The following FRMPD4 variants were observed in gnomAD, a reference collection of about 807,000 sequenced individuals.
FRMPD4 encodes FERM and PDZ domain containing 4.
FRMPD4 carries 22 observed loss-of-function variants against 94.1 expected under a neutral mutation model. That is an observed-to-expected ratio of 0.23 (90% confidence interval 0.17 to 0.33). FRMPD4 has a LOEUF of 0.33. FRMPD4 is among the 10% of genes least tolerant of loss of function. The probability of loss-of-function intolerance (pLI) is 1.00; values close to 1 mark genes in which losing one functional copy is unlikely to be tolerated. For synonymous variants in FRMPD4, 631 were observed against 548.6 expected, an observed-to-expected ratio of 1.15 and a Z score of -2.10; for missense variants, 1,111 against 1,339.9, an observed-to-expected ratio of 0.83 and a Z score of 2.67.
At chrX:12,501,403 A>G (rs2057918282) in intron 2 of FRMPD4, among the ~76,000 whole-genome samples, 1 of 108,769 alleles carries the variant, frequency 9.2e-6, no homozygotes, top group Non-Finnish European at 1.9e-5. Context: ...ATCACTAATG[A>G]GTTTTATAAA....
intron 2 of FRMPD4, among the ~76,000 whole-genome samples, chrX:12,573,988 A>G (rs2058784351): frequency 8.9e-6 from 1 of 112,550 alleles, no homozygotes; most frequent in African/African-American, 3.2e-5. Context: ...ATGTTAAAAT[A>G]TAATGAGTTT....
chrX:12,279,637 G>A (rs1227446805), intron 1 of FRMPD4, among the ~76,000 whole-genome samples: 1 of 111,397 alleles, frequency 9.0e-6, no homozygotes, highest in African/African-American at 3.3e-5. Flanking sequence ...CACTTTGCCT[G>A]GAATCTCTCC....
chrX:11,934,380 C>A (rs1488299583), intron 3 of FRMPD4, among the ~76,000 whole-genome samples: 1 of 111,819 alleles, frequency 8.9e-6, no homozygotes, highest in Non-Finnish European at 1.9e-5. Context: ...AAGCACAACA[C>A]CAATATGCAG....
chrX:11,873,094 G>A (rs1229199538), intron 2 of FRMPD4, among the ~76,000 whole-genome samples: 1 of 111,818 alleles, frequency 8.9e-6, no homozygotes, highest in Non-Finnish European at 1.9e-5. Context: ...ACTCCCCACT[G>A]TTGAAGACTA....
chrX:12,554,885 G>T (rs1328077851), intron 2 of FRMPD4, among the ~76,000 whole-genome samples: 1 of 111,706 alleles, frequency 9.0e-6, no homozygotes, highest in Non-Finnish European at 1.9e-5. Context: ...AAAGTGTAGG[G>T]ATTACAGGTG....
At chrX:12,626,996 C>T (rs750300590) in intron 4 of FRMPD4, among the ~76,000 whole-genome samples, 2 of 111,609 alleles carry the variant, frequency 1.8e-5, no homozygotes, top group East Asian at 2.8e-4. Flanking sequence ...CAAAGCAGGG[C>T]CGGGCATGGT....
chrX:12,184,708 G>A (rs996387802), intron 1 of FRMPD4, among the ~76,000 whole-genome samples: 7 of 111,663 alleles, frequency 6.3e-5, no homozygotes, highest in African/African-American at 1.3e-4. Flanking sequence ...ATCATGCTAC[G>A]TGAAATAAGC....
intron 3 of FRMPD4, among the ~76,000 whole-genome samples, chrX:11,894,993 T>C: frequency 8.9e-6 from 1 of 112,372 alleles, no homozygotes; most frequent in East Asian, 2.8e-4. Context: ...TGGAATCACC[T>C]GTCTAATGAG....
At chrX:12,231,030 G>GTATGTATATATATATATA (rs1555938221) in intron 1 of FRMPD4, among the ~76,000 whole-genome samples, 5 of 26,385 alleles carry the variant, frequency 1.9e-4, no homozygotes, top group African/African-American at 2.4e-4. Flanking sequence ...TATATATATA[G>GTATGTATATATATATATA]TATATATATA....
chrX:12,662,773 C>T (rs1356638008), intron 4 of FRMPD4, among the ~76,000 whole-genome samples: 1 of 112,149 alleles, frequency 8.9e-6, no homozygotes, highest in African/African-American at 3.2e-5. Context: ...TGAGGAATTG[C>T]CACACTGTCT....
At chrX:12,214,152 A>G (rs2056781249) in intron 1 of FRMPD4, among the ~76,000 whole-genome samples, 1 of 112,220 alleles carries the variant, frequency 8.9e-6, no homozygotes, top group Non-Finnish European at 1.9e-5. Flanking sequence ...CTTTAGCAAC[A>G]TGAATCACTG....
chrX:12,162,734 T>G (rs1402011901), intron 1 of FRMPD4, among the ~76,000 whole-genome samples: 1 of 111,828 alleles, frequency 8.9e-6, no homozygotes, highest in Non-Finnish European at 1.9e-5. Flanking sequence ...AAGACTCTTC[T>G]GTTTCTACCC....
rs191988650 is a variant in FRMPD4 at position 12,207,874 on chromosome X, A to G, written c.41+68862A>G. ...GGAAGCAGTAGTTGGAAAGTTAATG[A>G]TCTGAGCAGAGGTGATACCAGCTTC... On this transcript the variant is annotated intron_variant, in intron 1 of 16. Coordinates refer to ENST00000675598, the MANE Select transcript of FRMPD4 (RefSeq NM_001368397.1). 1.6e-3 allele frequency among the ~76,000 whole-genome samples: 179 copies of G among 111,694 alleles called. 1 individual carries two copies. The highest frequency in any genetic ancestry group is 1.9e-3 in the Non-Finnish European group (99 of 53,089).
chrX:12,332,087 T>TAA (rs1329432885), intron 1 of FRMPD4, among the ~76,000 whole-genome samples: 26 of 62,442 alleles, frequency 4.2e-4, no homozygotes, highest in Non-Finnish European at 6.6e-4. Flanking sequence ...ATATATAATT[T>TAA]ATATTATATA....
chrX:12,348,456 AT>A (rs2055749163), intron 1 of FRMPD4, among the ~76,000 whole-genome samples: 1 of 111,062 alleles, frequency 9.0e-6, no homozygotes, highest in Admixed American at 9.6e-5. Context: ...CTCCCTGGGA[AT>A]TCCAACCGTG....
intron 1 of FRMPD4, among the ~76,000 whole-genome samples, chrX:11,822,989 C>T (rs1024539740): frequency 1.8e-5 from 2 of 111,157 alleles, no homozygotes; most frequent in African/African-American, 6.5e-5. Context: ...GGCTACGTCC[C>T]GACTATTTCC....
chrX:12,042,072 G>C lies in FRMPD4; in HGVS notation c.95+164054G>C, dbSNP rs749587879. 2.5e-3 allele frequency among the ~76,000 whole-genome samples: 283 copies of C among 111,236 alleles called. 1 individual carries two copies. Among genetic ancestry groups the C allele is most frequent in the Non-Finnish European group, 4.5e-3 (237 of 52,898 alleles). ...ATTTCTTCAGTGATATTCCTTATTT[G>C]TTGAGTCATTGTCATAAATTTTCCT... On this transcript the variant is annotated intron_variant, in intron 3 of 18. Transcript: ENST00000640291.
intron 4 of FRMPD4, among the ~76,000 whole-genome samples, chrX:12,642,271 G>T (rs757336193): frequency 3.6e-4 from 40 of 111,573 alleles, no homozygotes; most frequent in African/African-American, 1.2e-3. Flanking sequence ...AAAAGAACAG[G>T]ACACTGTAAA....
At chrX:12,669,055 G>A (rs982360602) in intron 4 of FRMPD4, among the ~76,000 whole-genome samples, 6 of 111,917 alleles carry the variant, frequency 5.4e-5, no homozygotes, top group African/African-American at 2.0e-4. Flanking sequence ...TGGGGCCTGT[G>A]ACTTGCTTTC....
Sources: allele counts gnomAD v4.1 joint callset (sites outside exome capture counted in the v4.1 genomes callset), GRCh38; gene constraint gnomAD v4.1.1; transcripts MANE v1.5; gene names NCBI Gene and HGNC (gene_info 2026-07-23, HGNC 2026-07-21).